The following MPRIP variants were observed in gnomAD, a reference collection of about 807,000 sequenced individuals.
MPRIP encodes the protein myosin phosphatase Rho interacting protein, also known as myosin phosphatase Rho-interacting protein.
In MPRIP, 59 loss-of-function variants were observed where a neutral mutation model predicts 234.9. The ratio of observed to expected loss-of-function variants is 0.25; its 90% CI spans 0.20 to 0.31. The LOEUF is 0.31. MPRIP is among the 10% of genes least tolerant of loss of function. The probability of loss-of-function intolerance (pLI) is 1.00; values close to 1 mark genes in which losing one functional copy is unlikely to be tolerated. For synonymous variants in MPRIP, 1,144 were observed against 1,263.9 expected (o/e 0.91, Z 2.01); for missense variants, 2,436 against 3,071.0 (o/e 0.79, Z 4.89).
chr17:17,086,824 G>A (rs191877559), intron 3 of MPRIP, among the ~76,000 whole-genome samples: 3 of 152,266 alleles, frequency 2.0e-5, no homozygotes, highest in African/African-American at 4.8e-5. Flanking sequence ...CGTAGAGGTC[G>A]GAGCATTCTC....
chr17:17,048,606 C>T (rs867350786), intron 1 of MPRIP, among the ~76,000 whole-genome samples: 3 of 151,966 alleles, frequency 2.0e-5, no homozygotes, highest in African/African-American at 4.8e-5. Flanking sequence ...TTGTCATCAG[C>T]GAAACCCAAA....
intron 5 of MPRIP, among the ~76,000 whole-genome samples, chr17:17,135,081 T>C (rs797020295): frequency 3.3e-5 from 5 of 152,340 alleles, no homozygotes; most frequent in African/African-American, 1.2e-4. Context: ...GCTTCACTTT[T>C]GGAGAGGGGC....
rs928173377 is a variant in MPRIP, at chr17:17,153,498, A to C, written c.1720-808A>C. 2.6e-5 allele frequency among the ~76,000 whole-genome samples: 4 copies of C among 151,696 alleles called. No homozygotes were observed. The East Asian group carries it at 7.9e-4, about 30-fold the overall frequency. On this transcript the variant is annotated intron_variant, in intron 12 of 23. Transcript: ENST00000651222. ...AGGTCTGCTCAGGGGCGCAGTGGTC[A>C]TGTCCCAGAGCCATGTGCTCTTTGC...
In MPRIP at chr17:17,177,122, T is replaced by C. The variant is rs1182341952; in HGVS notation, c.6958-128T>C. 28 of 923,286 alleles carry C rather than the reference T, an allele frequency of 3.0e-5. 1 individual carries two copies. Among genetic ancestry groups the C allele is most frequent in the Non-Finnish European group, 4.7e-5 (28 of 590,604 alleles). 57.2% of individuals were successfully genotyped at this position (923,286 alleles called of 1,614,324 possible). A position where few individuals can be genotyped will look rare whatever the true frequency, so the allele number is the denominator to read the frequency against. On this transcript the variant is annotated intron_variant, in intron 21 of 23. Transcript: ENST00000651222. ...ACTGTCTGCCTCTAGAAGACAGAGGTGAACAAGCCTCCTCTTCCGCCCACA... is the reference window on the plus strand; with the variant it reads ...ACTGTCTGCCTCTAGAAGACAGAGGCGAACAAGCCTCCTCTTCCGCCCACA...
chr17:17,083,858 T>G (rs372767335), intron 3 of MPRIP, among the ~76,000 whole-genome samples: 101 of 152,262 alleles, frequency 6.6e-4, no homozygotes, highest in African/African-American at 2.3e-3. Flanking sequence ...ATTCTCCTGC[T>G]TCAGCCTCCC....
intron 3 of MPRIP, among the ~76,000 whole-genome samples, chr17:17,081,672 G>A (rs767519075): frequency 9.9e-5 from 15 of 152,204 alleles, no homozygotes; most frequent in Non-Finnish European, 1.3e-4. Flanking sequence ...CAGTGGCTTC[G>A]GGAAGCCCTT....
intron 1 of MPRIP, among the ~76,000 whole-genome samples, chr17:17,070,234 G>A (rs1726599024): frequency 6.6e-6 from 1 of 152,034 alleles, no homozygotes; most frequent in Non-Finnish European, 1.5e-5. Context: ...GTTATTGTAT[G>A]TCTTGGTCTG....
intron 1 of MPRIP, among the ~76,000 whole-genome samples, chr17:17,072,535 G>T (rs1412465835): frequency 6.6e-6 from 1 of 152,214 alleles, no homozygotes; most frequent in Admixed American, 6.5e-5. Context: ...GTGATGTGCA[G>T]TGACGGTAAT....
chr17:17,105,136 T>G (rs925550768), intron 3 of MPRIP, among the ~76,000 whole-genome samples: 4 of 152,162 alleles, frequency 2.6e-5, no homozygotes, highest in Non-Finnish European at 5.9e-5. Flanking sequence ...AGGCACTAAT[T>G]CCATTCGATG....
intron 1 of MPRIP, among the ~76,000 whole-genome samples, chr17:17,059,271 C>G (rs1597727983): frequency 6.6e-6 from 1 of 152,288 alleles, no homozygotes; most frequent in Non-Finnish European, 1.5e-5. Context: ...CATAGCATGT[C>G]CTGTGTAGCC....
intron 3 of MPRIP, among the ~76,000 whole-genome samples, chr17:17,086,804 G>C (rs2144114853): frequency 6.6e-6 from 1 of 152,284 alleles, no homozygotes; most frequent in East Asian, 1.9e-4. Flanking sequence ...TCACCCATTT[G>C]AGTGGAGCAC....
intron 2 of MPRIP, chr17:17,077,028 A>G (rs985267668): frequency 1.5e-5 from 2 of 133,950 alleles, no homozygotes; most frequent in African/African-American, 5.6e-5. Flanking sequence ...TGCAGTCTTG[A>G]CCTCCCAGGT....
At chr17:17,119,011 C>G (rs542208340) in intron 3 of MPRIP, among the ~76,000 whole-genome samples, 2 of 152,124 alleles carry the variant, frequency 1.3e-5, no homozygotes, top group African/African-American at 2.4e-5. Flanking sequence ...CAAGAAGAGC[C>G]GGGAGACCAC....
At chr17:17,155,786 A>G (rs925764914) in intron 13 of MPRIP, among the ~76,000 whole-genome samples, 28 of 152,210 alleles carry the variant, frequency 1.8e-4, no homozygotes, top group Middle Eastern at 3.2e-3. Flanking sequence ...TCTAGTGACA[A>G]GTCCTCTTTG....
At chr17:17,096,882 T>A in intron 3 of MPRIP, 1 of 444,958 alleles carries the variant, frequency 2.2e-6, no homozygotes, top group Admixed American at 2.7e-5. Context: ...GGAAAATAAA[T>A]ATGAAAAAGC....
chr17:17,084,074 G>A (rs2089529010), intron 3 of MPRIP, among the ~76,000 whole-genome samples: 1 of 152,152 alleles, frequency 6.6e-6, no homozygotes, highest in South Asian at 2.1e-4. Flanking sequence ...CCTCTAGCTC[G>A]GAGCTTTCCC....
Position 17,161,364 on chromosome 17 carries a change from G to A in MPRIP, c.2517+8G>A, listed in dbSNP as rs2045864067. On this transcript the variant is annotated splice_region_variant and intron_variant, in intron 15 of 23. Transcript: ENST00000651222. ...GAGGGCTACGTGCTGCAGGTAGGGTGGAGGGGCTGCTGTGGCCCATGGTGC... is the reference window on the plus strand; with the variant it reads ...GAGGGCTACGTGCTGCAGGTAGGGTAGAGGGGCTGCTGTGGCCCATGGTGC... 3 of 1,558,896 alleles carry A rather than the reference G, an allele frequency of 1.9e-6. No individual in the cohort carries two copies. The highest frequency in any genetic ancestry group is 1.3e-5 in the African/African-American group (1 of 74,214).
At chr17:17,055,536 G>T (rs1007075490) in intron 1 of MPRIP, among the ~76,000 whole-genome samples, 1 of 152,114 alleles carries the variant, frequency 6.6e-6, no homozygotes, top group Non-Finnish European at 1.5e-5. Context: ...GCCTTTACAA[G>T]TCATTCACCC....
intron 13 of MPRIP, among the ~76,000 whole-genome samples, chr17:17,155,581 C>T (rs150970020): frequency 6.6e-6 from 1 of 152,348 alleles, no homozygotes; most frequent in Non-Finnish European, 1.5e-5. Flanking sequence ...TGCCTTCTTC[C>T]TGCGGACTCC....
Sources: allele counts gnomAD v4.1 joint callset (sites outside exome capture counted in the v4.1 genomes callset), GRCh38; gene constraint gnomAD v4.1.1; transcripts MANE v1.5; gene names NCBI Gene and HGNC (gene_info 2026-07-23, HGNC 2026-07-21).